The following MYO1A variants were observed in gnomAD, a reference collection of about 807,000 sequenced individuals.
MYO1A encodes myosin IA.
A neutral mutation model predicts 138.5 loss-of-function variants in MYO1A; 127 were observed. The observed-to-expected ratio is 0.92, with a 90% CI of 0.79 to 1.06. The LOEUF (loss-of-function observed/expected upper bound fraction) is 1.06, where lower values mean the gene tolerates loss of function less well. Ranked by LOEUF, MYO1A falls within the 50% of genes least tolerant of loss-of-function variation. The probability of loss-of-function intolerance (pLI) is 0.00; values close to 1 mark genes in which losing one functional copy is unlikely to be tolerated. For synonymous variants in MYO1A, 477 were observed against 497.5 expected, an observed-to-expected ratio of 0.96 and a Z score of 0.55; for missense variants, 1,211 against 1,288.8, an observed-to-expected ratio of 0.94 and a Z score of 0.92.
chr12:57,043,050 A>C, intron 12 of MYO1A, 22 bp downstream of exon 12: 3 of 1,613,390 alleles, frequency 1.9e-6, no homozygotes, highest in Non-Finnish European at 2.5e-6. Context: ...GAGAGCATGG[A>C]GAAAGCAGAG....
chr12:57,031,146 T>C lies in MYO1A; in HGVS notation c.2378A>G (p.Asn793Ser). Reference sequence around the variant, plus strand: ...TAAGACGTTTGTGGATGGCAAATTGTTCTTCAGCCCCAGTAGGAATTTCTG... The same window carrying C: ...TAAGACGTTTGTGGATGGCAAATTGCTCTTCAGCCCCAGTAGGAATTTCTG... ...MVQKFLLGLK[N>S]NLPSTNVLDK... The change falls in exon 23 of 28, where the codon AAC becomes AGC. Residue 793 changes from asparagine (N) to serine (S), a missense_variant. Coordinates refer to ENST00000300119, the MANE Select transcript of MYO1A (RefSeq NM_005379.4). 6.2e-7 allele frequency: 1 copy of C among 1,614,160 alleles called. No homozygotes were observed. Among genetic ancestry groups the C allele is most frequent in the Non-Finnish European group, 8.5e-7 (1 of 1,180,020 alleles).
At chr12:57,041,711 A>G (rs1240492826) in intron 12 of MYO1A, among the ~76,000 whole-genome samples, 2 of 152,252 alleles carry the variant, frequency 1.3e-5, no homozygotes, top group Admixed American at 6.5e-5. Flanking sequence ...ATACAGATAG[A>G]TTCCAGGATG....
chr12:57,041,532 C>T (rs1282859363), intron 12 of MYO1A, 35 bp from the exon 13 acceptor site: 2 of 1,573,010 alleles, frequency 1.3e-6, no homozygotes, highest in Admixed American at 1.7e-5. Context: ...TGAGGACAGG[C>T]CCCCTCTGCA....
chr12:57,028,983 C>T, intron 27 of MYO1A, 102 bp from the exon 28 acceptor site: 2 of 1,589,596 alleles, frequency 1.3e-6, no homozygotes, highest in Non-Finnish European at 1.7e-6. Context: ...GGACTTGAGG[C>T]CCCAGAGAAC....
At chr12:57,041,526 G>A (rs2030859493) in intron 12 of MYO1A, 29 bp from the exon 13 acceptor site, 2 of 1,592,258 alleles carry the variant, frequency 1.3e-6, no homozygotes, top group South Asian at 1.1e-5. Context: ...TAAATCTGAG[G>A]ACAGGCCCCC....
intron 7 of MYO1A, 57 bp downstream of exon 7, chr12:57,046,806 G>A: frequency 6.3e-7 from 1 of 1,582,356 alleles, no homozygotes; most frequent in East Asian, 2.2e-5. Flanking sequence ...CAGATTAGCA[G>A]AAAGGGCCAT....
chr12:57,041,898 C>T (rs1464470878), intron 12 of MYO1A, among the ~76,000 whole-genome samples: 1 of 152,212 alleles, frequency 6.6e-6, no homozygotes, highest in Admixed American at 6.5e-5. Flanking sequence ...TAGGTACTTA[C>T]CAAGCCTAGA....
At chr12:57,048,585 G>C (rs2031223648) in intron 1 of MYO1A, among the ~76,000 whole-genome samples, 2 of 152,172 alleles carry the variant, frequency 1.3e-5, no homozygotes, top group Admixed American at 6.5e-5. Context: ...GGTGGGGCAG[G>C]GGTGGAACAG....
Position 57,038,995 on chromosome 12 carries a change from G to A in MYO1A, c.1347C>T (p.Ile449=), listed in dbSNP as rs760643735. 1.2e-6 allele frequency: 2 copies of A among 1,613,780 alleles called. No individual in the cohort carries two copies. The highest frequency in any genetic ancestry group is 1.7e-5 in the Admixed American group (1 of 59,990). ...GGCACTCCTCATCCAACATGGCCAG[G>A]ATACCTCGCTGATTCTGGGCCGGGG... ...CKLIEHNQRG[I]LAMLDEECLR... is the part of the protein sequence containing the mutation. Residue 449 remains isoleucine, a synonymous_variant, in exon 16 of 28, where the codon ATC becomes ATT. Coordinates refer to ENST00000300119, the MANE Select transcript of MYO1A (RefSeq NM_005379.4).
rs773341334 is a variant in MYO1A, at chr12:57,038,794, GC to G, written c.1533+14del. 1 of 1,614,082 alleles carries G rather than the reference GC, an allele frequency of 6.2e-7. No homozygotes were observed. Among genetic ancestry groups the G allele is most frequent in the South Asian group, 1.1e-5 (1 of 91,068 alleles). On this transcript the variant is annotated intron_variant, in intron 16 of 27. Transcript: ENST00000300119. ...CCTGAGCCCTAATCTCTGCCCTCCAGCCCTGCCATTTCACCTTGCCCGCATA... is the reference window on the plus strand; with the variant it reads ...CCTGAGCCCTAATCTCTGCCCTCCAGCCTGCCATTTCACCTTGCCCGCATA...
intron 8 of MYO1A, among the ~76,000 whole-genome samples, chr12:57,045,855 G>C (rs2031069659): frequency 6.6e-6 from 1 of 152,078 alleles, no homozygotes; most frequent in African/African-American, 2.4e-5. Flanking sequence ...TAGGTCTTCT[G>C]CTCTTATAGC....
At chr12:57,040,214 G>T (rs2030796077) in intron 14 of MYO1A, among the ~76,000 whole-genome samples, 1 of 152,196 alleles carries the variant, frequency 6.6e-6, no homozygotes, top group South Asian at 2.1e-4. Context: ...AAGGAATTAT[G>T]ATATTCTTAA....
Position 57,029,927 on chromosome 12 carries a change from C to T in MYO1A, c.2592-55G>A, listed in dbSNP as rs138302822. On this transcript the variant is annotated intron_variant, in intron 24 of 27. Transcript: ENST00000300119. ...ACAAGGCCCAGAGGCCTCTTCCCCA[C>T]CCCCAGAGTTCCCATCCTAGTCCTC... The T allele has an allele frequency of 1.8e-3, 2,855 of 1,613,434 alleles. 39 individuals carry two copies. In the African/African-American group the frequency reaches 0.028, roughly 16 times the overall value.
intron 24 of MYO1A, 138 bp from the exon 25 acceptor site, chr12:57,030,010 G>T: frequency 6.9e-7 from 1 of 1,449,296 alleles, no homozygotes; most frequent in Non-Finnish European, 9.6e-7. Flanking sequence ...GCACAGTCCA[G>T]GACCAAGACA....
chr12:57,034,359 T>C (rs2030429054), intron 22 of MYO1A, among the ~76,000 whole-genome samples: 1 of 152,222 alleles, frequency 6.6e-6, no homozygotes, highest in Admixed American at 6.5e-5. Flanking sequence ...AAGAGCTTAA[T>C]GCATAGTAGA....
chr12:57,030,367 C>A (rs968571901), intron 23 of MYO1A, 51 bp from the exon 24 acceptor site: 6 of 1,016,402 alleles, frequency 5.9e-6, no homozygotes, highest in East Asian at 5.4e-5. Context: ...GAGGGCAGGG[C>A]TGGGGAGGGA....
At chr12:57,046,997 T>C in intron 6 of MYO1A, 64 bp downstream of exon 6, 1 of 1,610,680 alleles carries the variant, frequency 6.2e-7, no homozygotes. Flanking sequence ...AAGGGGTCTG[T>C]GCCACATTCC....
intron 8 of MYO1A, 21 bp downstream of exon 8, chr12:57,046,531 T>C: frequency 6.3e-7 from 1 of 1,599,344 alleles, no homozygotes; most frequent in East Asian, 2.2e-5. Context: ...ATGAGGACAC[T>C]TTCCCCATGC....
chr12:57,028,586 A>G lies in MYO1A; in HGVS notation c.*169T>C, dbSNP rs891576292. ...GCGGGTTGGAGGAAGCTACTTTTGG[A>G]GGAGAGAACAAGAAGGGTTTGGGAC... On this transcript the variant is annotated 3_prime_UTR_variant, in exon 28 of 28. Transcript: ENST00000300119. The G allele has an allele frequency of 5.9e-6, 5 of 852,270 alleles. No individual in the cohort carries two copies. In the Admixed American group the frequency reaches 8.4e-5, roughly 14 times the overall value. 52.8% of individuals were successfully genotyped at this position (852,270 alleles called of 1,614,324 possible).
Sources: gnomAD v4.1 joint callset for allele counts (sites outside exome capture counted in the v4.1 genomes callset) on GRCh38, gnomAD v4.1.1 for gene constraint, MANE v1.5 for transcripts, NCBI Gene and HGNC (gene_info 2026-07-23, HGNC 2026-07-21) for gene names.